PHLPP1: variants seen among roughly 807,000 people sequenced by gnomAD.
The protein encoded by PHLPP1 is PH domain leucine-rich repeat-containing protein phosphatase 1.
In PHLPP1, 42 loss-of-function variants were observed where a neutral mutation model predicts 117.2. That is an observed-to-expected ratio of 0.36 (90% CI 0.28 to 0.46). PHLPP1 has a LOEUF of 0.46. Among genes scored for constraint, PHLPP1 ranks in the 20% least tolerant of loss-of-function variants. PHLPP1 has a pLI of 1.00. For synonymous variants in PHLPP1, 1,042 were observed against 970.7 expected (o/e 1.07, Z -1.37); for missense variants, 2,084 against 2,241.9 (o/e 0.93, Z 1.42).
At chr18:62,760,682 A>G (rs1045589802) in intron 1 of PHLPP1, among the ~76,000 whole-genome samples, 80 of 152,250 alleles carry the variant, frequency 5.3e-4, no homozygotes, top group African/African-American at 1.9e-3. Context: ...CCACATTGTA[A>G]ACTAGAGGAC....
intron 14 of PHLPP1, among the ~76,000 whole-genome samples, chr18:62,970,985 A>T (rs1242641087): frequency 6.6e-5 from 10 of 151,886 alleles, no homozygotes; most frequent in Admixed American, 6.6e-4. Flanking sequence ...AACTTTTCAG[A>T]GCTGTTTGTA....
intron 10 of PHLPP1, among the ~76,000 whole-genome samples, chr18:62,932,189 C>T (rs1256676453): frequency 6.6e-6 from 1 of 152,120 alleles, no homozygotes; most frequent in Admixed American, 6.5e-5. Flanking sequence ...TTCTACCAGA[C>T]ATGACAAAGA....
intron 1 of PHLPP1, among the ~76,000 whole-genome samples, chr18:62,721,031 C>T (rs1910899793): frequency 6.6e-6 from 1 of 152,142 alleles, no homozygotes; most frequent in Non-Finnish European, 1.5e-5. Flanking sequence ...TATCACTTTC[C>T]ATGAATCGAT....
chr18:62,854,657 A>C (rs1340530870), intron 3 of PHLPP1, among the ~76,000 whole-genome samples: 1 of 150,998 alleles, frequency 6.6e-6, no homozygotes, highest in East Asian at 1.9e-4. Flanking sequence ...CATAGAGTTA[A>C]TAGTACTGGC....
chr18:62,968,164 T>G (rs968537381), intron 14 of PHLPP1, among the ~76,000 whole-genome samples: 1 of 152,190 alleles, frequency 6.6e-6, no homozygotes. Flanking sequence ...TTAGATTTGC[T>G]GTTAATTTGT....
At chr18:62,819,620 G>A (rs867226563) in intron 1 of PHLPP1, among the ~76,000 whole-genome samples, 10 of 152,118 alleles carry the variant, frequency 6.6e-5, no homozygotes, top group African/African-American at 2.4e-4. Flanking sequence ...AGAGGTAACT[G>A]CTGCCTACAA....
At chr18:62,766,040 G>A (rs1219750806) in intron 1 of PHLPP1, among the ~76,000 whole-genome samples, 3 of 77,878 alleles carry the variant, frequency 3.9e-5, no homozygotes, top group African/African-American at 5.0e-5. Context: ...CAGCCTGGGC[G>A]ACAGAGCTAG....
chr18:62,851,080 T>C (rs1023184040), intron 3 of PHLPP1, among the ~76,000 whole-genome samples: 5 of 152,206 alleles, frequency 3.3e-5, no homozygotes, highest in Non-Finnish European at 7.4e-5. Context: ...GTACCTGGTA[T>C]AGTTCCTGGT....
At chr18:62,807,319 A>G (rs1053202487) in intron 1 of PHLPP1, among the ~76,000 whole-genome samples, 1 of 152,184 alleles carries the variant, frequency 6.6e-6, no homozygotes, top group Non-Finnish European at 1.5e-5. Flanking sequence ...TCTAAAATTC[A>G]AGGACATAAA....
intron 1 of PHLPP1, among the ~76,000 whole-genome samples, chr18:62,736,928 G>C (rs1439603868): frequency 6.6e-6 from 1 of 152,110 alleles, no homozygotes; most frequent in African/African-American, 2.4e-5. Context: ...ACTAGCTATG[G>C]CTATCAGACA....
At chr18:62,918,879 G>A (rs1056981046) in intron 9 of PHLPP1, among the ~76,000 whole-genome samples, 1 of 151,924 alleles carries the variant, frequency 6.6e-6, no homozygotes, top group Non-Finnish European at 1.5e-5. Context: ...AATATGTGAG[G>A]TAATGCATAT....
In PHLPP1 at chr18:62,716,458, G is replaced by A. The variant is rs1235061364; in HGVS notation, c.775G>A (p.Glu259Lys). The change falls in exon 1 of 17, where the codon GAG becomes AAG. Residue 259 changes from glutamate to lysine, a missense_variant. By Grantham distance (56) the Glu-to-Lys change is moderately conservative. Transcript: ENST00000262719. This position sits in a 1 kb window ranked among gnomAD's most constrained non-coding sequence, Gnocchi z 5.7. ...GQGPGAAAAR[E>K]PAEPPPEAGP... ...GGGGCCCGGAGCCGCCGCCGCCCGG[G>A]AGCCCGCTGAACCGCCCCCCGAGGC... is the stretch of plus-strand genomic sequence containing the variant. 3.9e-6 allele frequency: 5 copies of A among 1,296,454 alleles called. No individual in the cohort carries two copies. The highest frequency in any genetic ancestry group is 4.9e-6 in the Non-Finnish European group (5 of 1,025,924). 80.3% of individuals were successfully genotyped at this position (1,296,454 alleles called of 1,614,324 possible). A position where few individuals can be genotyped will look rare whatever the true frequency, so the allele number is the denominator to read the frequency against.
At chr18:62,754,917 G>A (rs909937045) in intron 1 of PHLPP1, among the ~76,000 whole-genome samples, 3 of 152,126 alleles carry the variant, frequency 2.0e-5, no homozygotes, top group Admixed American at 2.0e-4. Context: ...GATTGCTTGA[G>A]CCCAGGAGAT....
In PHLPP1 at chr18:62,802,071, A is replaced by G. The variant is rs60097708; in HGVS notation, c.1577-27964A>G. On this transcript the variant is annotated intron_variant, in intron 1 of 16. Transcript: ENST00000262719. ...CTACTTTCTTGGCCAGAATGTGTGTATGTGAGCACCCAGAGGCAAAGAAGG... is the reference window on the plus strand; with the variant it reads ...CTACTTTCTTGGCCAGAATGTGTGTGTGTGAGCACCCAGAGGCAAAGAAGG... Among the ~76,000 whole-genome samples the G allele has an allele frequency of 6.2e-3, 937 of 152,004 alleles. 8 individuals are homozygous for G. Among genetic ancestry groups the G allele is most frequent in the African/African-American group, 0.022 (910 of 41,408 alleles).
intron 4 of PHLPP1, among the ~76,000 whole-genome samples, chr18:62,888,675 C>T (rs780034456): frequency 5.3e-5 from 8 of 152,114 alleles, no homozygotes; most frequent in Non-Finnish European, 8.8e-5. Flanking sequence ...TCCAACCTGG[C>T]AGACACAGTG....
intron 1 of PHLPP1, among the ~76,000 whole-genome samples, chr18:62,762,031 A>T (rs1240726439): frequency 2.0e-5 from 3 of 152,162 alleles, no homozygotes; most frequent in African/African-American, 7.2e-5. Context: ...AGTATGTGAA[A>T]CCTAAGTAAT....
At chr18:62,853,436 C>G (rs1156732008) in intron 3 of PHLPP1, among the ~76,000 whole-genome samples, 2 of 151,226 alleles carry the variant, frequency 1.3e-5, no homozygotes, top group Non-Finnish European at 2.9e-5. Flanking sequence ...GTGGCGCAAT[C>G]TTGGCTCCCT....
intron 1 of PHLPP1, among the ~76,000 whole-genome samples, chr18:62,813,922 T>C (rs1346386954): frequency 6.6e-6 from 1 of 152,202 alleles, no homozygotes; most frequent in Non-Finnish European, 1.5e-5. Flanking sequence ...ATGGCTCATT[T>C]TACTATAGTT....
intron 3 of PHLPP1, among the ~76,000 whole-genome samples, chr18:62,859,117 A>T (rs373716046): frequency 6.6e-6 from 1 of 152,240 alleles, no homozygotes; most frequent in East Asian, 1.9e-4. Flanking sequence ...AAGAGATCAG[A>T]CTGATCACAG....
Sources: allele counts gnomAD v4.1 joint callset (sites outside exome capture counted in the v4.1 genomes callset), GRCh38; gene constraint gnomAD v4.1.1; non-coding constraint Gnocchi (gnomAD v3.1); transcripts MANE v1.5; gene names NCBI Gene and HGNC (gene_info 2026-07-23, HGNC 2026-07-21).